UGT1A6: variants seen among roughly 807,000 people sequenced by gnomAD.
UGT1A6 encodes UDP-glucuronosyltransferase 1A6.
A neutral mutation model predicts 44.4 loss-of-function variants in UGT1A6; 32 were observed. The ratio of observed to expected loss-of-function variants is 0.72; its 90% CI spans 0.54 to 0.97. The LOEUF (loss-of-function observed/expected upper bound fraction) is 0.97. UGT1A6 is among the 50% of genes least tolerant of loss of function. UGT1A6 has a pLI of 0.00. For missense variants in UGT1A6, 685 were observed against 661.9 expected (o/e 1.03, Z -0.38); for synonymous variants, 238 against 248.5 (o/e 0.96, Z 0.40).
At chr2:233,737,324 G>A (rs1000160542) in intron 1 of UGT1A6, among the ~76,000 whole-genome samples, 2 of 152,246 alleles carry the variant, frequency 1.3e-5, no homozygotes, top group Non-Finnish European at 2.9e-5. Context: ...TGCTGCACTA[G>A]CAGTGAGCAA....
chr2:233,693,367 G>T lies in UGT1A6; in HGVS notation c.363G>T (p.Leu121=). Residue 121 remains leucine, a synonymous_variant, in exon 1 of 5, where the codon CTG becomes CTT. Transcript: ENST00000305139. ...GGAATAACATGATTGTTATTGGCCT[G>T]TACTTCATCAACTGCCAGAGCCTCC... The part of the protein sequence containing the change: ...EYRNNMIVIG[L]YFINCQSLLQ... 1.9e-6 allele frequency: 3 copies of T among 1,614,154 alleles called. No individual in the cohort carries two copies. Among genetic ancestry groups the T allele is most frequent in the Non-Finnish European group, 2.5e-6 (3 of 1,180,042 alleles).
chr2:233,771,421 G>A (rs2126061282), intron 4 of UGT1A6: 1 of 152,290 alleles, frequency 6.6e-6, no homozygotes, highest in Admixed American at 6.5e-5. Flanking sequence ...AGAATAAACA[G>A]AAATCCATTT....
chr2:233,704,256 C>CA (rs1553607929), intron 1 of UGT1A6, among the ~76,000 whole-genome samples: 1 of 123,680 alleles, frequency 8.1e-6, no homozygotes, highest in Non-Finnish European at 1.6e-5. Flanking sequence ...GCCTTTATTG[C>CA]TTTTTTTTTT....
In UGT1A6 at chr2:233,772,705, C is replaced by G. The variant is rs769331263; in HGVS notation, c.*146C>G. ...CAGCCCCAGAGTGCTTTAAAAAATT[C>G]TCTTAAATAAAAATAATAGACTCGC... is the stretch of plus-strand genomic sequence containing the variant. On this transcript the variant is annotated 3_prime_UTR_variant, in exon 5 of 5. Coordinates refer to ENST00000305139, the MANE Select transcript of UGT1A6 (RefSeq NM_001072.4). 3.4e-6 allele frequency: 5 copies of G among 1,474,690 alleles called. No individual in the cohort carries two copies. Among genetic ancestry groups the G allele is most frequent in the Non-Finnish European group, 4.5e-6 (5 of 1,119,720 alleles). 91.4% of individuals were successfully genotyped at this position (1,474,690 alleles called of 1,614,324 possible).
intron 1 of UGT1A6, among the ~76,000 whole-genome samples, chr2:233,766,011 CCTT>C (rs1699028411): frequency 6.6e-6 from 1 of 152,070 alleles, no homozygotes; most frequent in Non-Finnish European, 1.5e-5. Flanking sequence ...TGGGTTATGG[CCTT>C]CTTTTAGTTT....
intron 2 of UGT1A6, 57 bp from the exon 3 acceptor site, chr2:233,767,792 T>G (rs1011366406): frequency 1.2e-6 from 2 of 1,613,950 alleles, no homozygotes; most frequent in African/African-American, 1.3e-5. Context: ...ATAGCAGATT[T>G]GTTTTCTAAT....
At chr2:233,694,618 C>A (rs1257635329) in intron 1 of UGT1A6, among the ~76,000 whole-genome samples, 5 of 152,218 alleles carry the variant, frequency 3.3e-5, no homozygotes, top group East Asian at 1.9e-4. Flanking sequence ...CTCCCTCTAT[C>A]TTTTATGCCT....
At chr2:233,744,074 G>C in intron 1 of UGT1A6, 1 of 470,704 alleles carries the variant, frequency 2.1e-6, no homozygotes, top group Non-Finnish European at 3.5e-6. Context: ...TGAGCGCCTC[G>C]CATCCCAAGA....
At chr2:233,771,544 A>C (rs1300566643) in intron 4 of UGT1A6, 1 of 152,264 alleles carries the variant, frequency 6.6e-6, no homozygotes, top group Non-Finnish European at 1.5e-5. Flanking sequence ...GGCACTTACA[A>C]ATGGCTGTTA....
chr2:233,767,127 A>G lies in UGT1A6; in HGVS notation c.955A>G (p.Met319Val), dbSNP rs749159613. 5.0e-6 allele frequency: 8 copies of G among 1,614,028 alleles called. No homozygotes were observed. Among genetic ancestry groups the G allele is most frequent in the South Asian group, 2.2e-5 (2 of 91,084 alleles). The change falls in exon 2 of 5, where the codon ATG (methionine) becomes GTG (valine). Residue 319 changes from methionine (M) to valine (V), a missense_variant. Met to Val is a conservative substitution (Grantham distance 21). Coordinates refer to ENST00000305139, the MANE Select transcript of UGT1A6 (RefSeq NM_001072.4). Reference sequence around the variant, plus strand: ...CTCAGAAATTCCAGAGAAGAAAGCTATGGCAATTGCTGATGCTTTGGGCAA... The same window carrying G: ...CTCAGAAATTCCAGAGAAGAAAGCTGTGGCAATTGCTGATGCTTTGGGCAA... The part of the protein sequence containing the change: ...MVSEIPEKKA[M>V]AIADALGKIP...
At chr2:233,747,436 T>C (rs1449782015) in intron 1 of UGT1A6, 22 of 1,608,824 alleles carry the variant, frequency 1.4e-5, no homozygotes, top group African/African-American at 2.7e-5. Flanking sequence ...GAGAAATTTT[T>C]CACCCTGACA....
chr2:233,694,907 G>A (rs1347121458), intron 1 of UGT1A6, among the ~76,000 whole-genome samples: 1 of 152,154 alleles, frequency 6.6e-6, no homozygotes, highest in African/African-American at 2.4e-5. Flanking sequence ...TTTGATACAC[G>A]TATACAATGT....
rs34526305 is a variant in UGT1A6 at position 233,760,428 on chromosome 2, C to T, written c.862-6606C>T. The T allele has an allele frequency of 1.7e-3, 2,732 of 1,614,194 alleles. 18 individuals carry two copies. Among genetic ancestry groups the T allele is most frequent in the Middle Eastern group, 9.2e-3 (56 of 6,062 alleles). ...ACTGGCTGAGCATGCTTGGGGCCAT[C>T]CAGCAGCTGCAGCAGAGGGGACATG... On this transcript the variant is annotated intron_variant, in intron 1 of 4. Coordinates refer to ENST00000305139, the MANE Select transcript of UGT1A6 (RefSeq NM_001072.4).
At chr2:233,694,504 C>T (rs1266063005) in intron 1 of UGT1A6, among the ~76,000 whole-genome samples, 2 of 152,150 alleles carry the variant, frequency 1.3e-5, no homozygotes, top group African/African-American at 4.8e-5. Flanking sequence ...TACAGATGCC[C>T]TCCTGACATG....
rs1191731023 is a variant in UGT1A6, at chr2:233,773,247, T to C, written c.*688T>C. ...ATGAAGTGCTGGGCAAGTTTACTTTTTTTCTGATGTTTCCTACAACTAAAA... is the reference window on the plus strand; with the variant it reads ...ATGAAGTGCTGGGCAAGTTTACTTTCTTTCTGATGTTTCCTACAACTAAAA... On this transcript the variant is annotated 3_prime_UTR_variant, in exon 5 of 5. Coordinates refer to ENST00000305139, the MANE Select transcript of UGT1A6 (RefSeq NM_001072.4). The C allele has an allele frequency of 6.6e-6, 1 of 152,354 alleles. No homozygotes were observed. Among genetic ancestry groups the C allele is most frequent in the Admixed American group, 6.5e-5 (1 of 15,284 alleles). 9.4% of individuals were successfully genotyped at this position (152,354 alleles called of 1,614,324 possible).
At chr2:233,751,274 C>T (rs1450927418) in intron 1 of UGT1A6, among the ~76,000 whole-genome samples, 1 of 151,812 alleles carries the variant, frequency 6.6e-6, no homozygotes, top group African/African-American at 2.4e-5. Flanking sequence ...CTTTTTTTGG[C>T]CAGTTTCTCC....
intron 1 of UGT1A6, among the ~76,000 whole-genome samples, chr2:233,703,248 G>A (rs1279387068): frequency 2.0e-5 from 3 of 152,122 alleles, no homozygotes; most frequent in Non-Finnish European, 2.9e-5. Context: ...GGCCCAGAGT[G>A]TTCCCTTATA....
chr2:233,739,782 C>T (rs1351387026), intron 1 of UGT1A6, among the ~76,000 whole-genome samples: 1 of 152,030 alleles, frequency 6.6e-6, no homozygotes, highest in Non-Finnish European at 1.5e-5. Context: ...TGAGTTAAGA[C>T]TTTGGAGGAC....
intron 1 of UGT1A6, among the ~76,000 whole-genome samples, chr2:233,759,233 GA>G (rs1406502603): frequency 6.6e-6 from 1 of 152,188 alleles, no homozygotes; most frequent in Non-Finnish European, 1.5e-5. Flanking sequence ...ATGAAGGATG[GA>G]AACTTGCTTA....
Sources: allele counts gnomAD v4.1 joint callset (sites outside exome capture counted in the v4.1 genomes callset), GRCh38; gene constraint gnomAD v4.1.1; transcripts MANE v1.5; gene names NCBI Gene and HGNC (gene_info 2026-07-23, HGNC 2026-07-21).